The following C19orf47 variants were observed in gnomAD, a reference collection of about 807,000 sequenced individuals.
The protein encoded by C19orf47 is chromosome 19 open reading frame 47, also known as uncharacterized protein C19orf47.
C19orf47 carries 18 observed loss-of-function variants against 32.3 expected under a neutral mutation model. The ratio of observed to expected loss-of-function variants is 0.56; its 90% CI spans 0.39 to 0.83. The LOEUF (loss-of-function observed/expected upper bound fraction) is 0.83. Among genes scored for constraint, C19orf47 ranks in the 40% least tolerant of loss-of-function variants. The pLI is 0.00. For missense variants in C19orf47, 484 were observed against 531.6 expected (o/e 0.91, Z 0.88); for synonymous variants, 202 against 211.1 (o/e 0.96, Z 0.37).
chr19:40,322,212 G>C lies in C19orf47; in HGVS notation c.828C>G (p.Val276=), dbSNP rs773685027. The part of the protein sequence containing the change: ...AKASPQPALT[V]KAKATSSATT... ...TCGCTGAGCTTGTGGCCTTGGCTTT[G>C]ACAGTCAGTGCTGGCTGGGGACTGG... The change falls in exon 9 of 9, where the codon GTC becomes GTG. Residue 276 remains valine (V), a synonymous_variant. Coordinates refer to ENST00000683109, the MANE Select transcript of C19orf47 (RefSeq NM_001256441.2). 3 of 1,610,478 alleles carry C rather than the reference G, an allele frequency of 1.9e-6. No homozygotes were observed. In the East Asian group the frequency reaches 6.7e-5, roughly 36 times the overall value.
intron 2 of C19orf47, among the ~76,000 whole-genome samples, chr19:40,339,980 C>CA (rs548548957): frequency 0.17 from 11,541 of 68,530 alleles, 548 homozygotes; most frequent in Middle Eastern, 0.25. Flanking sequence ...CATCTCAAAA[C>CA]AAAAAAAAAA....
chr19:40,308,523 G>C, the C19orf47 span, among the ~76,000 whole-genome samples: 1 of 143,856 alleles, frequency 7.0e-6, no homozygotes, highest in East Asian at 2.1e-4. Context: ...CAGTGCAGTG[G>C]CGCAATCTTG....
At chr19:40,341,669 G>T in intron 2 of C19orf47, 170 bp downstream of exon 2, 1 of 892,162 alleles carries the variant, frequency 1.1e-6, no homozygotes, top group Non-Finnish European at 1.7e-6. Flanking sequence ...CAGTGATGAG[G>T]CGGGCAGGCC....
intron 7 of C19orf47, among the ~76,000 whole-genome samples, chr19:40,325,297 A>G (rs1020531587): frequency 3.3e-5 from 5 of 151,978 alleles, no homozygotes; most frequent in African/African-American, 1.2e-4. Flanking sequence ...ATAGAACAAT[A>G]CTTACATTTT....
downstream of C19orf47, among the ~76,000 whole-genome samples, chr19:40,318,619 G>A (rs1389286512): frequency 1.3e-5 from 2 of 152,202 alleles, no homozygotes; most frequent in Admixed American, 1.3e-4. Context: ...GTGCGCATGT[G>A]TGAGCTCTTC....
At chr19:40,331,238 C>G (rs2077946561) in intron 5 of C19orf47, among the ~76,000 whole-genome samples, 1 of 152,226 alleles carries the variant, frequency 6.6e-6, no homozygotes, top group Non-Finnish European at 1.5e-5. Context: ...GGCCAGCCCT[C>G]TTCTGCTGCT....
intron 7 of C19orf47, chr19:40,324,604 A>C (rs2077790257): frequency 6.4e-6 from 1 of 157,062 alleles, no homozygotes; most frequent in East Asian, 1.8e-4. Flanking sequence ...GTGTACCTGT[A>C]ATCCCTTTGG....
intron 3 of C19orf47, 25 bp from the exon 4 acceptor site, chr19:40,336,249 G>A (rs768760552): frequency 1.9e-6 from 3 of 1,613,824 alleles, no homozygotes; most frequent in Non-Finnish European, 8.5e-7. Flanking sequence ...CAGTGGTGAG[G>A]CCCCAGGTGG....
At chr19:40,315,519 G>A (rs1003987434), downstream of C19orf47, among the ~76,000 whole-genome samples, 2 of 152,146 alleles carry the variant, frequency 1.3e-5, no homozygotes, top group African/African-American at 4.8e-5. Flanking sequence ...GGTGGCTCAC[G>A]CCTGTAATCC....
intron 1 of C19orf47, among the ~76,000 whole-genome samples, chr19:40,343,227 A>ACCCC (rs997800137): frequency 8.0e-5 from 12 of 150,934 alleles, no homozygotes; most frequent in African/African-American, 2.9e-4. Flanking sequence ...ATCCTCCCTC[A>ACCCC]CCCCCGCATG....
chr19:40,296,888 T>G, the C19orf47 span, among the ~76,000 whole-genome samples: 1 of 151,718 alleles, frequency 6.6e-6, no homozygotes, highest in African/African-American at 2.4e-5. Context: ...TACTCCAGCC[T>G]GGGCAACAGA....
At chr19:40,312,814 A>T in the C19orf47 span, among the ~76,000 whole-genome samples, 1 of 152,226 alleles carries the variant, frequency 6.6e-6, no homozygotes, top group Admixed American at 6.5e-5. Flanking sequence ...AATTAAGTCC[A>T]GTCAACCCCT....
chr19:40,300,727 A>G, the C19orf47 span, among the ~76,000 whole-genome samples: 1 of 152,142 alleles, frequency 6.6e-6, no homozygotes, highest in Non-Finnish European at 1.5e-5. Flanking sequence ...ATTGCCCCAA[A>G]TTGCTTCTTC....
chr19:40,296,731 T>G, the C19orf47 span, among the ~76,000 whole-genome samples: 1 of 151,646 alleles, frequency 6.6e-6, no homozygotes, highest in African/African-American at 2.4e-5. Flanking sequence ...CTGGCCAACA[T>G]GGTGAAACCC....
downstream of C19orf47, among the ~76,000 whole-genome samples, chr19:40,318,781 T>C (rs1469104038): frequency 6.6e-6 from 1 of 152,028 alleles, no homozygotes; most frequent in Non-Finnish European, 1.5e-5. Context: ...TTGTCCCTCA[T>C]CCTGAAGTCC....
chr19:40,332,901 C>T (rs1173290009), intron 5 of C19orf47, among the ~76,000 whole-genome samples: 1 of 152,156 alleles, frequency 6.6e-6, no homozygotes, highest in East Asian at 1.9e-4. Context: ...ATCCTTTGCC[C>T]AGTCTACTTG....
intron 1 of C19orf47, among the ~76,000 whole-genome samples, chr19:40,346,748 T>C (rs990096760): frequency 6.6e-6 from 1 of 151,838 alleles, no homozygotes; most frequent in Non-Finnish European, 1.5e-5. Flanking sequence ...GGATGGTCTC[T>C]ATCTCCTGAC....
At chr19:40,301,389 G>A in the C19orf47 span, among the ~76,000 whole-genome samples, 1 of 149,914 alleles carries the variant, frequency 6.7e-6, no homozygotes, top group African/African-American at 2.4e-5. Flanking sequence ...CGCCCAGGCT[G>A]GAGTGCAGTG....
intron 5 of C19orf47, among the ~76,000 whole-genome samples, chr19:40,330,628 C>A (rs1346702295): frequency 7.2e-6 from 1 of 138,850 alleles, no homozygotes; most frequent in African/African-American, 2.7e-5. Context: ...TAACTCACTG[C>A]AGCCTCAAAG....
Sources: allele counts gnomAD v4.1 joint callset (sites outside exome capture counted in the v4.1 genomes callset), GRCh38; gene constraint gnomAD v4.1.1; transcripts MANE v1.5; gene names NCBI Gene and HGNC (gene_info 2026-07-23, HGNC 2026-07-21).